C1GALT1: variants seen among roughly 807,000 people sequenced by gnomAD.
C1GALT1 encodes the protein core 1 synthase, glycoprotein-N-acetylgalactosamine 3-beta-galactosyltransferase 1.
C1GALT1 carries 11 observed loss-of-function variants against 31.0 expected under a neutral mutation model. The observed-to-expected ratio is 0.36, with a 90% confidence interval of 0.22 to 0.59. C1GALT1 has a LOEUF of 0.59. Among genes scored for constraint, C1GALT1 ranks in the 20% least tolerant of loss-of-function variants. C1GALT1 has a pLI of 0.79. For missense variants in C1GALT1, 424 were observed against 425.2 expected, an observed-to-expected ratio of 1.00 and a Z score of 0.03; for synonymous variants, 175 against 143.6, an observed-to-expected ratio of 1.22 and a Z score of -1.56.
chr7:7,210,353 T>C (rs1781936026), intron 1 of C1GALT1: 1 of 151,852 alleles, frequency 6.6e-6, no homozygotes, highest in African/African-American at 2.4e-5. Flanking sequence ...GGCTTTGTAT[T>C]ATAGAAATGT....
intron 2 of C1GALT1, among the ~76,000 whole-genome samples, chr7:7,174,393 A>G (rs1299034287): frequency 6.6e-6 from 1 of 152,214 alleles, no homozygotes; most frequent in Admixed American, 6.5e-5. Flanking sequence ...AACGAGCCCA[A>G]CTGCTGGATT....
intron 2 of C1GALT1, among the ~76,000 whole-genome samples, chr7:7,167,291 A>C (rs1288417768): frequency 2.0e-5 from 3 of 152,202 alleles, no homozygotes; most frequent in Non-Finnish European, 4.4e-5. Flanking sequence ...TGGCAATCCA[A>C]ACTAGACATA....
intron 3 of C1GALT1, among the ~76,000 whole-genome samples, chr7:7,239,831 A>G (rs1484392138): frequency 6.6e-6 from 1 of 152,196 alleles, no homozygotes; most frequent in Non-Finnish European, 1.5e-5. Flanking sequence ...CAGATTTTTA[A>G]ATAAATATCT....
intron 2 of C1GALT1, among the ~76,000 whole-genome samples, chr7:7,168,363 T>C (rs1780419874): frequency 1.3e-5 from 2 of 151,758 alleles, no homozygotes; most frequent in Admixed American, 1.3e-4. Flanking sequence ...GGAGTTGAGG[T>C]ATATTATCTT....
intron 1 of C1GALT1, among the ~76,000 whole-genome samples, chr7:7,219,117 C>T (rs758934626): frequency 6.6e-6 from 1 of 152,080 alleles, no homozygotes; most frequent in Non-Finnish European, 1.5e-5. Context: ...GGATTACAGG[C>T]GTGAGCCACT....
chr7:7,243,513 T>A lies in C1GALT1; in HGVS notation c.889-11T>A, dbSNP rs1376709620. On this transcript the variant is annotated splice_polypyrimidine_tract_variant and intron_variant, in intron 3 of 3. Transcript: ENST00000436587. ...GTTTATTAACAATACCTGTTTCCAC[T>A]ACTTTTTTAGGGTCCTGGTTGCTGC... The A allele has an allele frequency of 6.3e-7, 1 of 1,579,978 alleles. No homozygotes were observed. Among genetic ancestry groups the A allele is most frequent in the Non-Finnish European group, 8.6e-7 (1 of 1,167,452 alleles).
chr7:7,209,590 C>T (rs1190131538), intron 1 of C1GALT1: 1 of 152,196 alleles, frequency 6.6e-6, no homozygotes, highest in African/African-American at 2.4e-5. Flanking sequence ...CCTTCTGAAC[C>T]TTGTAATGGA....
At chr7:7,160,790 C>G (rs1235380555) in intron 2 of C1GALT1, among the ~76,000 whole-genome samples, 1 of 152,024 alleles carries the variant, frequency 6.6e-6, no homozygotes, top group African/African-American at 2.4e-5. Context: ...GTCCCCAGGA[C>G]TAATGTTAAC....
intron 2 of C1GALT1, among the ~76,000 whole-genome samples, chr7:7,175,942 C>T (rs1021548537): frequency 4.6e-5 from 7 of 152,004 alleles, no homozygotes; most frequent in African/African-American, 1.7e-4. Context: ...CTCATTTTAC[C>T]TTTATTACCT....
At chr7:7,158,535 G>T (rs1338949355) in intron 2 of C1GALT1, among the ~76,000 whole-genome samples, 1 of 150,882 alleles carries the variant, frequency 6.6e-6, no homozygotes, top group Admixed American at 6.6e-5. Flanking sequence ...TAAACACTTA[G>T]TATGTTTTTT....
chr7:7,210,199 A>T (rs1460591053), intron 1 of C1GALT1, among the ~76,000 whole-genome samples: 1 of 152,044 alleles, frequency 6.6e-6, no homozygotes, highest in African/African-American at 2.4e-5. Flanking sequence ...GAACAGTAAC[A>T]AAAAGTTGTT....
chr7:7,184,094 T>C (rs1219847456), intron 1 of C1GALT1, among the ~76,000 whole-genome samples: 5 of 152,196 alleles, frequency 3.3e-5, no homozygotes, highest in Non-Finnish European at 7.3e-5. Flanking sequence ...GCAGTTGAGC[T>C]TAATGCCCAT....
chr7:7,177,541 A>C (rs1780517551), intron 2 of C1GALT1, among the ~76,000 whole-genome samples: 1 of 151,926 alleles, frequency 6.6e-6, no homozygotes, highest in Admixed American at 6.6e-5. Context: ...CATGAAAAAG[A>C]AAAAGGAGCC....
At position 7,245,105 on chromosome 7, in the gene C1GALT1, T is replaced by G. The variant is rs1783789404; in HGVS notation, c.*1378T>G. 1 of 152,256 alleles carries G rather than the reference T, an allele frequency of 6.6e-6. No homozygotes were observed. The highest frequency in any genetic ancestry group is 1.5e-5 in the Non-Finnish European group (1 of 68,036). The allele number at this position is 152,256 out of a possible 1,614,324, so 9.4% of individuals were successfully genotyped here. A position where few individuals can be genotyped will look rare whatever the true frequency, so the allele number is the denominator to read the frequency against. On this transcript the variant is annotated 3_prime_UTR_variant, in exon 4 of 4. Transcript: ENST00000436587. ...CAGTACTGAGTGTCATAGCAGAATA[T>G]TTTACAGACTTTCTATGAGATTATT...
Position 7,238,746 on chromosome 7 carries a change from A to C in C1GALT1, c.712A>C (p.Ile238Leu). The change falls in exon 3 of 4, where the codon ATT becomes CTT. Residue 238 changes from isoleucine (I) to leucine (L), a missense_variant. By Grantham distance (5) the Ile-to-Leu change is conservative. Around this residue, in one of 3 missense-constraint regions of C1GALT1, gnomAD observed 191 missense variants for 188.8 expected, o/e 1.01. Coordinates refer to ENST00000436587, the MANE Select transcript of C1GALT1 (RefSeq NM_020156.5). The surrounding 1 kb of genome is among the most constrained non-coding windows in gnomAD (Gnocchi z 5.2). Reference protein sequence around the residue: ...KTDKCTHSSSIEDLALGRCME... With the variant: ...KTDKCTHSSSLEDLALGRCME... ...AGACAAGTGTACACATAGTTCCTCCATTGAAGACTTAGCACTGGGGAGATG... is the reference window on the plus strand; with the variant it reads ...AGACAAGTGTACACATAGTTCCTCCCTTGAAGACTTAGCACTGGGGAGATG... 6.2e-7 allele frequency: 1 copy of C among 1,613,910 alleles called. No individual in the cohort carries two copies. Among genetic ancestry groups the C allele is most frequent in the East Asian group, 2.2e-5 (1 of 44,868 alleles).
chr7:7,216,541 A>G (rs1184066542), intron 1 of C1GALT1, among the ~76,000 whole-genome samples: 2 of 152,176 alleles, frequency 1.3e-5, no homozygotes, highest in Non-Finnish European at 2.9e-5. Context: ...CCTTTCGGGC[A>G]AGGCTCCTTT....
intron 1 of C1GALT1, among the ~76,000 whole-genome samples, chr7:7,233,528 C>G (rs1783188664): frequency 6.6e-6 from 1 of 152,222 alleles, no homozygotes; most frequent in South Asian, 2.1e-4. Context: ...CCGCCTTGGC[C>G]TCCCAGAGTG....
chr7:7,165,386 T>A (rs1452757068), intron 2 of C1GALT1, among the ~76,000 whole-genome samples: 1 of 152,246 alleles, frequency 6.6e-6, no homozygotes, highest in African/African-American at 2.4e-5. Context: ...TAATTTATCC[T>A]TTAATTTTTG....
At chr7:7,194,171 G>C (rs112244654) in intron 1 of C1GALT1, among the ~76,000 whole-genome samples, 4,691 of 151,970 alleles carry the variant, frequency 0.031, 157 homozygotes, top group African/African-American at 0.084. Flanking sequence ...TTATTTCCTT[G>C]TCTTGTCTGA....
Sources: gnomAD v4.1 joint callset for allele counts (sites outside exome capture counted in the v4.1 genomes callset) on GRCh38, gnomAD v4.1.1 for gene constraint, gnomAD v4.1.1 regional missense constraint, Gnocchi (gnomAD v3.1) non-coding constraint, MANE v1.5 for transcripts, NCBI Gene and HGNC (gene_info 2026-07-23, HGNC 2026-07-21) for gene names.